Variants in RALGAPA1 observed in about 807,000 individuals in gnomAD.
RALGAPA1 encodes the protein ral GTPase-activating protein subunit alpha-1.
A neutral mutation model predicts 269.6 loss-of-function variants in RALGAPA1; 52 were observed. That is an observed-to-expected ratio of 0.19 (90% CI 0.15 to 0.24). The LOEUF (loss-of-function observed/expected upper bound fraction) is 0.24. Ranked by LOEUF, RALGAPA1 falls within the 10% of genes least tolerant of loss-of-function variation. The pLI, the probability that RALGAPA1 is intolerant of heterozygous loss-of-function variation, is 1.00. For missense variants in RALGAPA1, 1,917 were observed against 3,013.9 expected (o/e 0.64, Z 8.52); for synonymous variants, 817 against 1,008.3 (o/e 0.81, Z 3.60).
At chr14:35,644,738 G>A (rs962417450) in intron 31 of RALGAPA1, among the ~76,000 whole-genome samples, 1 of 152,088 alleles carries the variant, frequency 6.6e-6, no homozygotes, top group Non-Finnish European at 1.5e-5. Context: ...TGTTGGATTA[G>A]ACGTGGAGGT....
Position 35,594,111 on chromosome 14 carries a change from A to C in RALGAPA1, c.7209+1523T>G, listed in dbSNP as rs139379816. ...GAATAAAACTGAATCCTTATCTTAC[A>C]CCATACACAAAAATCAACTTAAAAT... On this transcript the variant is annotated intron_variant, in intron 37 of 41. Coordinates refer to ENST00000680220, the MANE Select transcript of RALGAPA1 (RefSeq NM_001346249.2). Among the ~76,000 whole-genome samples the C allele has an allele frequency of 4.3e-3, 656 of 152,212 alleles. 3 individuals carry two copies. Among genetic ancestry groups the C allele is most frequent in the Non-Finnish European group, 6.8e-3 (465 of 67,984 alleles).
chr14:35,796,309 T>C (rs989425288), intron 1 of RALGAPA1, among the ~76,000 whole-genome samples: 3 of 152,054 alleles, frequency 2.0e-5, no homozygotes, highest in African/African-American at 4.8e-5. Context: ...CTTGAAGACA[T>C]AGCAATAGAA....
chr14:35,581,540 AT>A (rs1435522309), intron 37 of RALGAPA1, among the ~76,000 whole-genome samples: 1 of 152,162 alleles, frequency 6.6e-6, no homozygotes, highest in African/African-American at 2.4e-5. Context: ...GACAAAGTAA[AT>A]TTTACTTAAA....
At chr14:35,629,341 T>G (rs933701731) in intron 33 of RALGAPA1, among the ~76,000 whole-genome samples, 1 of 151,924 alleles carries the variant, frequency 6.6e-6, no homozygotes, top group Non-Finnish European at 1.5e-5. Context: ...TACTTAATTT[T>G]AGACATAATT....
chr14:35,616,584 A>C (rs1367060515), intron 35 of RALGAPA1, among the ~76,000 whole-genome samples: 1 of 152,230 alleles, frequency 6.6e-6, no homozygotes, highest in African/African-American at 2.4e-5. Flanking sequence ...TTTGGACTTC[A>C]GACACTAATG....
At chr14:35,651,140 A>G (rs2062804504) in intron 31 of RALGAPA1, among the ~76,000 whole-genome samples, 1 of 152,156 alleles carries the variant, frequency 6.6e-6, no homozygotes, top group Admixed American at 6.5e-5. Context: ...CTCAATAGAA[A>G]CGGAGTTAGT....
chr14:35,766,244 T>C lies in RALGAPA1; in HGVS notation c.326-3491A>G, dbSNP rs1026267651. 1.6e-5 allele frequency: 13 copies of C among 799,684 alleles called. No homozygotes were observed. The African/African-American group carries it at 2.0e-4, about 12-fold the overall frequency. 49.5% of individuals were successfully genotyped at this position (799,684 alleles called of 1,614,324 possible). The stretch of plus-strand genomic sequence containing the variant: ...AAGTGCAAGGAATCTTAACCAGATG[T>C]GTGGATGATGCAGCAATTGTCTTGG... On this transcript the variant is annotated intron_variant, in intron 4 of 41. Coordinates refer to ENST00000680220, the MANE Select transcript of RALGAPA1 (RefSeq NM_001346249.2).
intron 1 of RALGAPA1, among the ~76,000 whole-genome samples, chr14:35,801,227 C>CTA (rs1387459555): frequency 5.9e-4 from 85 of 144,858 alleles, no homozygotes; most frequent in African/African-American, 1.4e-3. Context: ...ATGGGTCCTG[C>CTA]TATATATATA....
chr14:35,570,182 A>C (rs2057062789), intron 39 of RALGAPA1, among the ~76,000 whole-genome samples: 1 of 151,428 alleles, frequency 6.6e-6, no homozygotes, highest in African/African-American at 2.4e-5. Flanking sequence ...AGGCAGAAGA[A>C]TTGCTTGAAC....
intron 5 of RALGAPA1, among the ~76,000 whole-genome samples, chr14:35,762,132 G>A (rs2073754507): frequency 6.6e-6 from 1 of 152,142 alleles, no homozygotes; most frequent in African/African-American, 2.4e-5. Context: ...TCCTTCTGGG[G>A]ACCATAAAGA....
At chr14:35,695,179 G>A (rs2066802203) in intron 17 of RALGAPA1, among the ~76,000 whole-genome samples, 1 of 151,950 alleles carries the variant, frequency 6.6e-6, no homozygotes, top group Non-Finnish European at 1.5e-5. Context: ...GCTGCAGTAA[G>A]CTAGGATGGC....
Position 35,635,562 on chromosome 14 carries a change from T to C in RALGAPA1, c.5713A>G (p.Ile1905Val). ...AGTGTCTTTAGAGGTAAGGCCATGA[T>C]CCAGTCCAGAAGGCAGAGAAGTAAA... is the stretch of plus-strand genomic sequence containing the variant. ...VSLLLCLLDW[I>V]MALPLKTLLQ... is the part of the protein sequence containing the mutation. The change falls in exon 32 of 42, where the codon ATC becomes GTC. Residue 1905 changes from isoleucine (I) to valine (V), a missense_variant. Physicochemically the swap from Ile to Val is conservative, Grantham distance 29. Around this residue, in one of 11 missense-constraint regions of RALGAPA1, gnomAD observed 346 missense variants for 566.1 expected, o/e 0.61. Coordinates refer to ENST00000680220, the MANE Select transcript of RALGAPA1 (RefSeq NM_001346249.2). 6.2e-7 allele frequency: 1 copy of C among 1,603,384 alleles called. No individual in the cohort carries two copies. The highest frequency in any genetic ancestry group is 1.3e-5 in the African/African-American group (1 of 74,726).
intron 1 of RALGAPA1, among the ~76,000 whole-genome samples, chr14:35,802,084 T>G (rs1595610349): frequency 6.6e-6 from 1 of 152,142 alleles, no homozygotes; most frequent in African/African-American, 2.4e-5. Context: ...CCAAGGCAGG[T>G]GGCTCACGAG....
At chr14:35,577,245 G>A (rs1315359389) in intron 37 of RALGAPA1, among the ~76,000 whole-genome samples, 1 of 152,058 alleles carries the variant, frequency 6.6e-6, no homozygotes, top group East Asian at 1.9e-4. Flanking sequence ...TTCACCCATT[G>A]CTACAGACTG....
chr14:35,738,222 T>C (rs1426909161), intron 12 of RALGAPA1, among the ~76,000 whole-genome samples: 1 of 152,226 alleles, frequency 6.6e-6, no homozygotes, highest in South Asian at 2.1e-4. Flanking sequence ...AAATGAATTA[T>C]GGCTGTATAG....
At chr14:35,584,569 T>C (rs1047046513) in intron 37 of RALGAPA1, among the ~76,000 whole-genome samples, 1 of 152,176 alleles carries the variant, frequency 6.6e-6, no homozygotes, top group African/African-American at 2.4e-5. Context: ...CCGGTTGGTA[T>C]AGTGTAATTT....
intron 32 of RALGAPA1, 133 bp from the exon 33 acceptor site, chr14:35,634,890 G>T: frequency 1.2e-6 from 1 of 863,534 alleles, no homozygotes; most frequent in Non-Finnish European, 1.7e-6. Flanking sequence ...CATCAGGCCT[G>T]GCACAGTGGC....
chr14:35,554,313 C>T (rs2055330150), intron 39 of RALGAPA1, among the ~76,000 whole-genome samples: 1 of 141,152 alleles, frequency 7.1e-6, no homozygotes, highest in African/African-American at 2.6e-5. Context: ...TTTCCTTAGG[C>T]TTGTTCTTCT....
At position 35,635,486 on chromosome 14, in the gene RALGAPA1, G is replaced by A; in HGVS notation, c.5789C>T (p.Ser1930Phe). 1.3e-6 allele frequency: 2 copies of A among 1,599,206 alleles called. No individual in the cohort carries two copies. Among genetic ancestry groups the A allele is most frequent in the Non-Finnish European group, 1.7e-6 (2 of 1,174,574 alleles). Reference sequence around the variant, plus strand: ...TACCTTATAAATGCAATTGAGAACAGATTTTTCTGTTTTATCGCTTTCTGC... The same window carrying A: ...TACCTTATAAATGCAATTGAGAACAAATTTTTCTGTTTTATCGCTTTCTGC... ...TGAESDKTEK[S>F]VLNCIYKVLH... The change falls in exon 32 of 42, where the codon TCT (serine) becomes TTT (phenylalanine). Residue 1930 changes from serine to phenylalanine, a missense_variant. By Grantham distance (155) the Ser-to-Phe change is radical. Coordinates refer to ENST00000680220, the MANE Select transcript of RALGAPA1 (RefSeq NM_001346249.2).
Sources: gnomAD v4.1 joint callset for allele counts (sites outside exome capture counted in the v4.1 genomes callset) on GRCh38, gnomAD v4.1.1 for gene constraint, gnomAD v4.1.1 regional missense constraint, MANE v1.5 for transcripts, NCBI Gene and HGNC (gene_info 2026-07-23, HGNC 2026-07-21) for gene names.